Variants in TMEM38B observed in about 807,000 individuals in gnomAD.
The protein encoded by TMEM38B is trimeric intracellular cation channel type B.
TMEM38B carries 24 observed loss-of-function variants against 28.7 expected under a neutral mutation model. That is an observed-to-expected ratio of 0.84 (90% CI 0.61 to 1.18). The LOEUF (loss-of-function observed/expected upper bound fraction) is 1.18, where lower values mean the gene tolerates loss of function less well. TMEM38B is among the 50% of genes most tolerant of loss of function. The probability of loss-of-function intolerance (pLI) is 0.00; values close to 1 mark genes in which losing one functional copy is unlikely to be tolerated. For synonymous variants in TMEM38B, 131 were observed against 127.7 expected (o/e 1.03, Z -0.17); for missense variants, 380 against 350.9 (o/e 1.08, Z -0.66).
intron 5 of TMEM38B, chr9:105,760,067 C>A: frequency 9.0e-7 from 1 of 1,106,966 alleles, no homozygotes; most frequent in Non-Finnish European, 1.4e-6. Context: ...TCTGTGTTGA[C>A]TGGTACACGA....
chr9:105,721,468 T>C (rs1836313932), intron 2 of TMEM38B, 69 bp from the exon 3 acceptor site: 2 of 1,142,182 alleles, frequency 1.8e-6, no homozygotes, highest in South Asian at 4.4e-5. Flanking sequence ...TTGTTGCTGT[T>C]AGGTTAGATT....
rs369672224 is a variant in TMEM38B, at chr9:105,773,987, G to C, written c.783G>C (p.Lys261Asn). 19 of 1,613,696 alleles carry C rather than the reference G, an allele frequency of 1.2e-5. No individual in the cohort carries two copies. The highest frequency in any genetic ancestry group is 1.5e-5 in the Non-Finnish European group (18 of 1,179,822). ...FSSCEKKSEA[K>N]SPSNGVGSLA... ...CATGTGAGAAGAAAAGTGAAGCAAA[G>C]TCACCTTCCAATGGCGTTGGGTCAT... is the stretch of plus-strand genomic sequence containing the variant. Residue 261 changes from lysine to asparagine, a missense_variant, in exon 6 of 6, where the codon AAG becomes AAC. Lys to Asn is a moderately conservative substitution (Grantham distance 94). Coordinates refer to ENST00000374692, the MANE Select transcript of TMEM38B (RefSeq NM_018112.3).
chr9:105,770,821 G>A (rs1018626475), intron 5 of TMEM38B, among the ~76,000 whole-genome samples: 9 of 152,140 alleles, frequency 5.9e-5, no homozygotes, highest in Admixed American at 2.6e-4. Context: ...GTATGTTCTG[G>A]ATGAAGAGAG....
intron 5 of TMEM38B, chr9:105,759,729 A>G (rs572923439): frequency 2.5e-4 from 406 of 1,602,140 alleles, no homozygotes; most frequent in Non-Finnish European, 3.3e-4. Flanking sequence ...ATCTTCATTC[A>G]GAGGAAAATA....
intron 4 of TMEM38B, among the ~76,000 whole-genome samples, chr9:105,742,982 G>A (rs866025831): frequency 3.3e-5 from 5 of 151,918 alleles, no homozygotes; most frequent in African/African-American, 9.7e-5. Context: ...AGAGACCACC[G>A]TTCTAAAACA....
chr9:105,708,843 G>A (rs1463744343), intron 2 of TMEM38B, among the ~76,000 whole-genome samples: 1 of 138,168 alleles, frequency 7.2e-6, no homozygotes, highest in Admixed American at 7.4e-5. Flanking sequence ...TATCCAACAT[G>A]TTATCTGTTG....
intron 5 of TMEM38B, among the ~76,000 whole-genome samples, chr9:105,750,221 A>G (rs59747314): frequency 6.6e-6 from 1 of 151,906 alleles, no homozygotes; most frequent in South Asian, 2.1e-4. Context: ...AATTCTTTTC[A>G]TATTTTGGAT....
intron 2 of TMEM38B, among the ~76,000 whole-genome samples, chr9:105,720,556 T>C (rs553969162): frequency 6.6e-6 from 1 of 152,234 alleles, no homozygotes; most frequent in African/African-American, 2.4e-5. Flanking sequence ...TGCTTTAGGC[T>C]AAACAGACTA....
intron 5 of TMEM38B, among the ~76,000 whole-genome samples, chr9:105,755,213 A>T (rs1453187989): frequency 6.6e-6 from 1 of 152,212 alleles, no homozygotes; most frequent in African/African-American, 2.4e-5. Context: ...CAGAGGTACA[A>T]AGAATTGCTG....
intron 1 of TMEM38B, among the ~76,000 whole-genome samples, chr9:105,702,999 A>G (rs1198920480): frequency 6.6e-6 from 1 of 151,178 alleles, no homozygotes; most frequent in Admixed American, 6.6e-5. Context: ...GCATTTTGAT[A>G]TTAAAGTTCA....
intron 5 of TMEM38B, among the ~76,000 whole-genome samples, chr9:105,767,996 G>T (rs1826429735): frequency 6.6e-6 from 1 of 152,016 alleles, no homozygotes; most frequent in South Asian, 2.1e-4. Context: ...AGACATCTTT[G>T]TTTTGTTTGT....
intron 4 of TMEM38B, among the ~76,000 whole-genome samples, chr9:105,740,113 C>T (rs1837141483): frequency 6.6e-6 from 1 of 151,674 alleles, no homozygotes; most frequent in African/African-American, 2.4e-5. Flanking sequence ...GAACTCCTGA[C>T]CTCAGGTAAT....
At chr9:105,766,362 A>G (rs1826370544) in intron 5 of TMEM38B, among the ~76,000 whole-genome samples, 1 of 152,154 alleles carries the variant, frequency 6.6e-6, no homozygotes, top group Admixed American at 6.5e-5. Context: ...TGTGATGGCT[A>G]GAGATTTGAG....
At chr9:105,762,028 T>C (rs1260895423) in intron 5 of TMEM38B, among the ~76,000 whole-genome samples, 5 of 152,090 alleles carry the variant, frequency 3.3e-5, no homozygotes, top group Non-Finnish European at 7.4e-5. Flanking sequence ...TTCTATTTTT[T>C]ACTCCAAGGT....
intron 4 of TMEM38B, among the ~76,000 whole-genome samples, chr9:105,735,818 T>C (rs997298476): frequency 1.4e-4 from 22 of 152,144 alleles, no homozygotes; most frequent in African/African-American, 5.1e-4. Flanking sequence ...TGGATGTGGA[T>C]ATCAGTATCT....
At chr9:105,761,444 A>G (rs771230333) in intron 5 of TMEM38B, among the ~76,000 whole-genome samples, 57 of 152,206 alleles carry the variant, frequency 3.7e-4, no homozygotes, top group Non-Finnish European at 1.2e-4. Flanking sequence ...AGGCAATCAT[A>G]TATTCATTTA....
At chr9:105,722,029 A>G (rs939984587) in intron 3 of TMEM38B, among the ~76,000 whole-genome samples, 11 of 152,226 alleles carry the variant, frequency 7.2e-5, no homozygotes, top group Non-Finnish European at 1.0e-4. Context: ...ATAAGTTTAC[A>G]TAAGAAATTA....
At chr9:105,717,620 A>C (rs1836155098) in intron 2 of TMEM38B, among the ~76,000 whole-genome samples, 1 of 151,844 alleles carries the variant, frequency 6.6e-6, no homozygotes. Flanking sequence ...AACCTTTAAC[A>C]ACTATATTGT....
At chr9:105,697,052 T>A (rs1250799169) in intron 1 of TMEM38B, among the ~76,000 whole-genome samples, 1 of 152,212 alleles carries the variant, frequency 6.6e-6, no homozygotes, top group African/African-American at 2.4e-5. Flanking sequence ...GAAATTTAAG[T>A]CCGATTTTTT....
Sources: allele counts gnomAD v4.1 joint callset (sites outside exome capture counted in the v4.1 genomes callset), GRCh38; gene constraint gnomAD v4.1.1; transcripts MANE v1.5; gene names NCBI Gene and HGNC (gene_info 2026-07-23, HGNC 2026-07-21).